Variants in CYREN observed in about 807,000 individuals in gnomAD.
The protein encoded by CYREN is cell cycle regulator of non-homologous end joining.
Under a neutral mutation model 9.7 loss-of-function variants are expected in CYREN, and 7 were observed. The observed-to-expected ratio is 0.72, with a 90% CI of 0.41 to 1.36. The LOEUF (loss-of-function observed/expected upper bound fraction) is 1.36. Ranked by LOEUF, CYREN falls within the 40% of genes most tolerant of loss-of-function variation. The pLI is 0.01. For synonymous variants in CYREN, 76 were observed against 77.9 expected, an observed-to-expected ratio of 0.98 and a Z score of 0.13; for missense variants, 215 against 198.1, an observed-to-expected ratio of 1.09 and a Z score of -0.51.
chr7:135,166,853 C>A lies in CYREN; in HGVS notation c.232G>T (p.Ala78Ser). 6.2e-7 allele frequency: 1 copy of A among 1,613,636 alleles called. No individual in the cohort carries two copies. The change falls in exon 4 of 4, where the codon GCC becomes TCC. Residue 78 changes from alanine (A) to serine (S), a missense_variant. Transcript: ENST00000393114. ...CCCGCCAGGGCCGGCTGCTCGCAGG[C>A]CTTTTCCTGTTTGCGGCTCTGTGGA... ...ILIESRKQEK[A>S]CEQPALAGAD...
chr7:135,104,705 CT>C (rs1327471342), intron 2 of CYREN, among the ~76,000 whole-genome samples: 1 of 150,276 alleles, frequency 6.7e-6, no homozygotes, highest in African/African-American at 2.4e-5. Flanking sequence ...TTTCATATGC[CT>C]TTTGGCCACA....
intron 2 of CYREN, among the ~76,000 whole-genome samples, chr7:135,153,405 G>T (rs1395541743): frequency 7.8e-6 from 1 of 127,792 alleles, no homozygotes; most frequent in Non-Finnish European, 1.6e-5. Context: ...AGTGAGCTGA[G>T]ATCATGCCAC....
intron 2 of CYREN, among the ~76,000 whole-genome samples, chr7:135,138,926 AT>A (rs1191795697): frequency 6.6e-6 from 1 of 151,994 alleles, no homozygotes; most frequent in Non-Finnish European, 1.5e-5. Flanking sequence ...ACACTATTTC[AT>A]TCTTTTATAT....
At chr7:135,140,380 T>C (rs949562164) in intron 2 of CYREN, among the ~76,000 whole-genome samples, 2 of 151,134 alleles carry the variant, frequency 1.3e-5, no homozygotes, top group African/African-American at 4.9e-5. Flanking sequence ...TATTGGTGTA[T>C]AAGAATGCTA....
intron 2 of CYREN, chr7:135,116,015 T>A (rs2117190211): frequency 6.4e-6 from 1 of 155,074 alleles, no homozygotes; most frequent in South Asian, 2.0e-4. Flanking sequence ...CGAGACCAGT[T>A]TTCTTCTAAA....
At chr7:135,145,392 T>C (rs779029885) in intron 2 of CYREN, among the ~76,000 whole-genome samples, 8 of 152,192 alleles carry the variant, frequency 5.3e-5, no homozygotes, top group Non-Finnish European at 1.2e-4. Context: ...ATGCCTTTGA[T>C]GCAGGAAGCA....
At chr7:135,165,040 A>T (rs1830058624), downstream of CYREN, 1 of 1,523,648 alleles carries the variant, frequency 6.6e-7, no homozygotes, top group Non-Finnish European at 8.8e-7. Flanking sequence ...AACCATGGTC[A>T]GAGGTGGCAC....
At chr7:135,163,807 G>C (rs1467367435), downstream of CYREN, among the ~76,000 whole-genome samples, 1 of 152,238 alleles carries the variant, frequency 6.6e-6, no homozygotes, top group Non-Finnish European at 1.5e-5. Flanking sequence ...GAGCACTGCA[G>C]GTAAAATCAG....
intron 1 of CYREN, 193 bp downstream of exon 1, chr7:135,170,459 G>A (rs999563005): frequency 3.3e-5 from 5 of 152,310 alleles, no homozygotes; most frequent in South Asian, 4.1e-4. Context: ...AGCACCGCAG[G>A]GGCCTCGCTG....
At chr7:135,125,070 TAGAG>T (rs1827680003) in intron 2 of CYREN, among the ~76,000 whole-genome samples, 1 of 151,010 alleles carries the variant, frequency 6.6e-6, no homozygotes, top group African/African-American at 2.4e-5. Context: ...TTGAAGGAGA[TAGAG>T]ACACAAAAAA....
At chr7:135,115,729 C>T (rs891192792) in intron 2 of CYREN, 27 of 823,128 alleles carry the variant, frequency 3.3e-5, no homozygotes, top group Non-Finnish European at 4.2e-5. Flanking sequence ...GATGTCAGCT[C>T]CATCACATTT....
chr7:135,143,214 G>A (rs1314000590), intron 2 of CYREN, among the ~76,000 whole-genome samples: 1 of 152,010 alleles, frequency 6.6e-6, no homozygotes, highest in Non-Finnish European at 1.5e-5. Context: ...TTCTAAAAAC[G>A]GACTTACTAT....
chr7:135,143,321 T>C (rs1829486370), intron 2 of CYREN, among the ~76,000 whole-genome samples: 1 of 152,068 alleles, frequency 6.6e-6, no homozygotes, highest in Non-Finnish European at 1.5e-5. Flanking sequence ...ATAAATATAG[T>C]CAACTCATCT....
intron 2 of CYREN, chr7:135,115,344 C>A: frequency 7.5e-7 from 1 of 1,335,872 alleles, no homozygotes; most frequent in South Asian, 1.3e-5. Flanking sequence ...GAATAGAGTT[C>A]ATATCTCTGT....
At chr7:135,154,792 T>C (rs778261869) in intron 2 of CYREN, among the ~76,000 whole-genome samples, 5 of 152,246 alleles carry the variant, frequency 3.3e-5, no homozygotes, top group Non-Finnish European at 7.3e-5. Flanking sequence ...TGGAGAATGT[T>C]CCATGTGCTG....
At chr7:135,120,734 T>C (rs549433168) in intron 2 of CYREN, among the ~76,000 whole-genome samples, 1 of 152,104 alleles carries the variant, frequency 6.6e-6, no homozygotes, top group Admixed American at 6.5e-5. Context: ...AGGCTGAAAG[T>C]AAAAGGATGG....
intron 2 of CYREN, among the ~76,000 whole-genome samples, chr7:135,144,479 A>G (rs1399401234): frequency 6.6e-6 from 1 of 152,166 alleles, no homozygotes; most frequent in African/African-American, 2.4e-5. Context: ...TTTTGACAGT[A>G]AGCAATTAAG....
intron 2 of CYREN, among the ~76,000 whole-genome samples, chr7:135,118,365 C>A (rs759227133): frequency 5.9e-5 from 9 of 152,152 alleles, no homozygotes; most frequent in Non-Finnish European, 7.3e-5. Context: ...GTCACCTAGA[C>A]CCCACCCCAA....
chr7:135,104,449 A>G (rs1824336893), intron 2 of CYREN, among the ~76,000 whole-genome samples: 3 of 152,186 alleles, frequency 2.0e-5, no homozygotes, highest in Non-Finnish European at 4.4e-5. Flanking sequence ...ATACCCAGTA[A>G]TAGAATTACC....
Sources: gnomAD v4.1 joint callset for allele counts (sites outside exome capture counted in the v4.1 genomes callset) on GRCh38, gnomAD v4.1.1 for gene constraint, MANE v1.5 for transcripts, NCBI Gene and HGNC (gene_info 2026-07-23, HGNC 2026-07-21) for gene names.